Variants in SEMA6A observed in about 807,000 individuals in gnomAD.
SEMA6A encodes semaphorin-6A.
Under a neutral mutation model 96.8 loss-of-function variants are expected in SEMA6A, and 25 were observed. That is an observed-to-expected ratio of 0.26 (90% CI 0.19 to 0.36). The LOEUF is 0.36. Ranked by LOEUF, SEMA6A falls within the 10% of genes least tolerant of loss-of-function variation. SEMA6A has a pLI of 1.00. For synonymous variants in SEMA6A, 612 were observed against 518.0 expected (o/e 1.18, Z -2.46); for missense variants, 1,363 against 1,323.1 (o/e 1.03, Z -0.47).
rs386418405 is a variant in SEMA6A at position 116,505,457 on chromosome 5, G to GCACA, written c.-38-476_-38-475insTGTG. Among the ~76,000 whole-genome samples the GCACA allele has an allele frequency of 9.0e-3, 1,289 of 143,770 alleles. 13 individuals carry two copies. The highest frequency in any genetic ancestry group is 0.012 in the Non-Finnish European group (817 of 66,134). 94.3% of individuals were successfully genotyped at this position (143,770 alleles called of 152,430 possible). On this transcript the variant is annotated intron_variant, in intron 1 of 18. Transcript: ENST00000343348. ...CACACAGGTACACAGACACACGCACGCGCACACACACACACACACACACAC... is the reference window on the plus strand; with the variant it reads ...CACACAGGTACACAGACACACGCACGCACACGCACACACACACACACACACACAC...
In SEMA6A at chr5:116,487,092, T is replaced by G. The variant is rs981594733; in HGVS notation, c.745-126A>C. ...TGCTTAATACTGTTTCTAAAATCAG[T>G]AACAAAAAAAAAAAAGAAAGAAAAG... On this transcript the variant is annotated intron_variant, in intron 9 of 18. Coordinates refer to ENST00000343348, the MANE Select transcript of SEMA6A (RefSeq NM_020796.5). The G allele has an allele frequency of 7.3e-5, 36 of 490,794 alleles. No individual in the cohort carries two copies. In the African/African-American group the frequency reaches 8.8e-4, roughly 12 times the overall value. The allele number at this position is 490,794 out of a possible 1,614,324, so 30.4% of individuals were successfully genotyped here.
chr5:116,466,682 T>C (rs1377784958), intron 18 of SEMA6A, among the ~76,000 whole-genome samples: 1 of 152,190 alleles, frequency 6.6e-6, no homozygotes, highest in Non-Finnish European at 1.5e-5. Flanking sequence ...AGGGTCACAG[T>C]GGCTGCTCTG....
intron 9 of SEMA6A, chr5:116,487,192 A>ACAGCCTTATCTTTCAGGG (rs1757094156): frequency 2.1e-6 from 1 of 482,352 alleles, no homozygotes. Flanking sequence ...ACAGAGTCAT[A>ACAGCCTTATCTTTCAGGG]AATCCTTCAG....
At chr5:116,569,343 A>G (rs1170443603) in intron 1 of SEMA6A, among the ~76,000 whole-genome samples, 1 of 152,156 alleles carries the variant, frequency 6.6e-6, no homozygotes, top group East Asian at 1.9e-4. Context: ...AAAGGACCCC[A>G]AGTATATGCC....
intron 11 of SEMA6A, among the ~76,000 whole-genome samples, chr5:116,481,121 A>C (rs1002672029): frequency 2.0e-5 from 3 of 152,174 alleles, no homozygotes; most frequent in Non-Finnish European, 2.9e-5. Context: ...GAGCATCCTG[A>C]CTGCTGCAAG....
intron 1 of SEMA6A, among the ~76,000 whole-genome samples, chr5:116,547,712 A>G (rs1760238821): frequency 6.7e-6 from 1 of 148,450 alleles, no homozygotes; most frequent in South Asian, 2.2e-4. Flanking sequence ...CCAATGATGT[A>G]AACTGCTATG....
intron 1 of SEMA6A, among the ~76,000 whole-genome samples, chr5:116,532,798 T>C (rs539813148): frequency 1.3e-5 from 2 of 152,342 alleles, no homozygotes; most frequent in South Asian, 4.1e-4. Context: ...TGCTTTGTTA[T>C]TCTCTCAAAC....
chr5:116,561,340 A>G (rs1760811103), intron 1 of SEMA6A, among the ~76,000 whole-genome samples: 1 of 152,234 alleles, frequency 6.6e-6, no homozygotes, highest in Non-Finnish European at 1.5e-5. Flanking sequence ...ATTTGGGGAA[A>G]CGTTATCTCC....
chr5:116,447,366 G>T lies in SEMA6A; in HGVS notation c.2340C>A (p.Asn780Lys), dbSNP rs866242301. 1.6e-5 allele frequency: 26 copies of T among 1,613,994 alleles called. No homozygotes were observed. Among genetic ancestry groups the T allele is most frequent in the African/African-American group, 2.7e-5 (2 of 75,072 alleles). ...TTGTGCAGGCATTGATGAGGTTCTG[G>T]TTCCTCTCCCACTCGCGGCTGCCGC... Reference protein sequence around the residue: ...PSRGSREWERNQNLINACTKD... With the variant: ...PSRGSREWERKQNLINACTKD... Residue 780 changes from asparagine (N) to lysine (K), a missense_variant, in exon 19 of 19, where the codon AAC becomes AAA. Physicochemically the swap from Asn to Lys is moderately conservative, Grantham distance 94 (BLOSUM62 0). This residue lies in a region of SEMA6A where 883 missense variants were observed against 763.6 expected (regional missense o/e 1.16). Transcript: ENST00000343348.
intron 1 of SEMA6A, among the ~76,000 whole-genome samples, chr5:116,516,704 T>A (rs1462603034): frequency 1.3e-5 from 2 of 152,222 alleles, no homozygotes; most frequent in Admixed American, 1.3e-4. Flanking sequence ...CCGCATAAAA[T>A]GTTCATTTGC....
intron 1 of SEMA6A, among the ~76,000 whole-genome samples, chr5:116,559,322 G>C (rs1467441131): frequency 6.6e-6 from 1 of 152,190 alleles, no homozygotes; most frequent in Non-Finnish European, 1.5e-5. Context: ...AGTCCGCAAG[G>C]CCTGGTGCGT....
At chr5:116,546,896 C>A (rs1305143834) in intron 1 of SEMA6A, among the ~76,000 whole-genome samples, 2 of 152,204 alleles carry the variant, frequency 1.3e-5, no homozygotes, top group Non-Finnish European at 2.9e-5. Context: ...TATCGCTAGT[C>A]TGAGCAAACA....
intron 18 of SEMA6A, chr5:116,449,288 T>G: frequency 1.4e-6 from 1 of 701,968 alleles, no homozygotes; most frequent in African/African-American, 1.7e-5. Context: ...GTTCCTATTA[T>G]GGAAATGATA....
At chr5:116,533,463 G>A (rs1473173128) in intron 1 of SEMA6A, among the ~76,000 whole-genome samples, 1 of 152,060 alleles carries the variant, frequency 6.6e-6, no homozygotes, top group Non-Finnish European at 1.5e-5. Context: ...TGGGGGAAGG[G>A]GGTTCTGGTT....
rs1561456968 is a variant in SEMA6A at position 116,446,532 on chromosome 5, G to A, written c.*81C>T. The A allele has an allele frequency of 6.5e-6, 8 of 1,224,082 alleles. No individual in the cohort carries two copies. Among genetic ancestry groups the A allele is most frequent in the Non-Finnish European group, 8.9e-6 (8 of 902,076 alleles). 75.8% of individuals were successfully genotyped at this position (1,224,082 alleles called of 1,614,324 possible). A position where few individuals can be genotyped will look rare whatever the true frequency, so the allele number is the denominator to read the frequency against. ...GGCCTTCTTGGTCTGGTGGGTACTC[G>A]AGGCAGTTGAGAACCTTGCTGAGCT... On this transcript the variant is annotated 3_prime_UTR_variant, in exon 19 of 19. Coordinates refer to ENST00000343348, the MANE Select transcript of SEMA6A (RefSeq NM_020796.5).
chr5:116,563,437 C>A (rs966651161), intron 1 of SEMA6A, among the ~76,000 whole-genome samples: 8 of 152,172 alleles, frequency 5.3e-5, no homozygotes, highest in Non-Finnish European at 1.2e-4. Flanking sequence ...TAATGAGAAT[C>A]TAGTGTGGTT....
intron 1 of SEMA6A, among the ~76,000 whole-genome samples, chr5:116,539,971 T>A (rs1314898947): frequency 6.6e-6 from 1 of 152,188 alleles, no homozygotes; most frequent in Non-Finnish European, 1.5e-5. Flanking sequence ...ATTGAGTAAA[T>A]GTACTTGGGA....
intron 1 of SEMA6A, among the ~76,000 whole-genome samples, chr5:116,534,215 T>C (rs1016432167): frequency 2.0e-5 from 3 of 152,254 alleles, no homozygotes; most frequent in African/African-American, 7.2e-5. Context: ...GCAAGCCTTA[T>C]TGATTCTTCC....
At position 116,498,010 on chromosome 5, in the gene SEMA6A, G is replaced by C. The variant is rs76598693; in HGVS notation, c.219-623C>G. Reference sequence around the variant, plus strand: ...ATTTCTTGCTTCTGTTCACCTTCCTGTTTTGCTGAGAATTGGGTTGTCTTT... The same window carrying C: ...ATTTCTTGCTTCTGTTCACCTTCCTCTTTTGCTGAGAATTGGGTTGTCTTT... On this transcript the variant is annotated intron_variant, in intron 3 of 18. Coordinates refer to ENST00000343348, the MANE Select transcript of SEMA6A (RefSeq NM_020796.5). Among the ~76,000 whole-genome samples the C allele has an allele frequency of 2.3e-3, 344 of 152,250 alleles. 8 individuals are homozygous for C. The East Asian group carries it at 0.034, about 15-fold the overall frequency.
Sources: gnomAD v4.1 joint callset for allele counts (sites outside exome capture counted in the v4.1 genomes callset) on GRCh38, gnomAD v4.1.1 for gene constraint, gnomAD v4.1.1 regional missense constraint, MANE v1.5 for transcripts, NCBI Gene and HGNC (gene_info 2026-07-23, HGNC 2026-07-21) for gene names.